NSUN6: variants seen among roughly 807,000 people sequenced by gnomAD.
NSUN6 encodes NOP2/Sun RNA methyltransferase 6.
A neutral mutation model predicts 58.0 loss-of-function variants in NSUN6; 64 were observed. That is an observed-to-expected ratio of 1.10 (90% CI 0.90 to 1.36). NSUN6 has a LOEUF of 1.36. Ranked by LOEUF, NSUN6 falls within the 40% of genes most tolerant of loss-of-function variation. The probability of loss-of-function intolerance (pLI) is 0.00; values close to 1 mark genes in which losing one functional copy is unlikely to be tolerated. For synonymous variants in NSUN6, 231 were observed against 193.9 expected (o/e 1.19, Z -1.59); for missense variants, 701 against 550.1 (o/e 1.27, Z -2.74).
At chr10:18,628,775 C>CT (rs1239900479) in intron 3 of NSUN6, among the ~76,000 whole-genome samples, 16 of 152,084 alleles carry the variant, frequency 1.1e-4, no homozygotes, top group Non-Finnish European at 1.6e-4. Flanking sequence ...AAATCTACGT[C>CT]GATTGGTGTA....
At chr10:18,628,631 G>A (rs1278905341) in intron 3 of NSUN6, among the ~76,000 whole-genome samples, 1 of 152,178 alleles carries the variant, frequency 6.6e-6, no homozygotes, top group Non-Finnish European at 1.5e-5. Flanking sequence ...GAGCCAATGT[G>A]ATCAACTGGA....
chr10:18,622,043 C>A (rs1026792698), intron 3 of NSUN6, among the ~76,000 whole-genome samples: 5 of 146,836 alleles, frequency 3.4e-5, no homozygotes, highest in Admixed American at 2.0e-4. Context: ...GAATGACACA[C>A]ACACACACAC....
At chr10:18,634,429 A>T (rs1426251143) in intron 3 of NSUN6, among the ~76,000 whole-genome samples, 1 of 152,190 alleles carries the variant, frequency 6.6e-6, no homozygotes, top group Non-Finnish European at 1.5e-5. Context: ...CAAGAGAGCC[A>T]CTTTGAAACA....
At chr10:18,625,698 G>C (rs1308775835) in intron 3 of NSUN6, among the ~76,000 whole-genome samples, 7 of 115,172 alleles carry the variant, frequency 6.1e-5, no homozygotes, top group Non-Finnish European at 1.2e-4. Flanking sequence ...GGGTGACAGA[G>C]TGAGACTATG....
chr10:18,612,876 T>C (rs1346076590), intron 5 of NSUN6, among the ~76,000 whole-genome samples: 1 of 152,192 alleles, frequency 6.6e-6, no homozygotes, highest in Non-Finnish European at 1.5e-5. Flanking sequence ...CCTCCGTGAA[T>C]CTATGAATGA....
At chr10:18,579,390 T>C (rs7915735) in intron 8 of NSUN6, among the ~76,000 whole-genome samples, 122 of 152,252 alleles carry the variant, frequency 8.0e-4, no homozygotes, top group African/African-American at 2.8e-3. Flanking sequence ...CAGGATGGTG[T>C]TGATCTCCTG....
At chr10:18,585,839 T>C (rs2057109792) in intron 8 of NSUN6, 110 bp downstream of exon 8, 1 of 796,266 alleles carries the variant, frequency 1.3e-6, no homozygotes, top group Non-Finnish European at 2.0e-6. Context: ...AATTAGCTTG[T>C]TTTAATCATT....
intron 3 of NSUN6, among the ~76,000 whole-genome samples, chr10:18,636,627 C>T (rs1241928437): frequency 1.3e-5 from 2 of 152,128 alleles, no homozygotes; most frequent in East Asian, 3.9e-4. Flanking sequence ...GGCACAGTGG[C>T]TCATGCCTGT....
chr10:18,641,578 C>G (rs2059391919), intron 3 of NSUN6, among the ~76,000 whole-genome samples: 3 of 151,956 alleles, frequency 2.0e-5, no homozygotes, highest in Non-Finnish European at 4.4e-5. Flanking sequence ...CCATGTTGCC[C>G]AGACTGGTCT....
chr10:18,562,298 C>T (rs561195263), intron 8 of NSUN6, among the ~76,000 whole-genome samples: 6 of 139,012 alleles, frequency 4.3e-5, no homozygotes, highest in African/African-American at 1.1e-4. Context: ...TGGAATGCAA[C>T]GGAGAATGGA....
At chr10:18,622,058 A>G (rs2058627146) in intron 3 of NSUN6, among the ~76,000 whole-genome samples, 1 of 152,002 alleles carries the variant, frequency 6.6e-6, no homozygotes, top group Non-Finnish European at 1.5e-5. Flanking sequence ...ACACACACAC[A>G]CAGACACACA....
chr10:18,555,843 A>AG (rs1564709004), intron 8 of NSUN6, among the ~76,000 whole-genome samples: 142 of 148,588 alleles, frequency 9.6e-4, no homozygotes, highest in African/African-American at 2.8e-3. Context: ...GGAATGGAGA[A>AG]AAATGGAATG....
Position 18,618,319 on chromosome 10 carries a change from T to A in NSUN6, c.312-2026A>T, listed in dbSNP as rs769761169. 8.5e-5 allele frequency among the ~76,000 whole-genome samples: 13 copies of A among 152,318 alleles called. No homozygotes were observed. In the South Asian group the frequency reaches 1.5e-3, roughly 17 times the overall value. On this transcript the variant is annotated intron_variant, in intron 3 of 10. Coordinates refer to ENST00000377304, the MANE Select transcript of NSUN6 (RefSeq NM_182543.5). ...ATTTTTCATCAGTGATAGAAATTCA[T>A]GGTCATTACACTTGTGATTATTGTC...
intron 8 of NSUN6, among the ~76,000 whole-genome samples, chr10:18,555,040 A>C (rs1446183929): frequency 6.8e-6 from 1 of 147,562 alleles, no homozygotes; most frequent in Non-Finnish European, 1.5e-5. Context: ...GGAATGGAGA[A>C]TGGAATGGAA....
intron 8 of NSUN6, among the ~76,000 whole-genome samples, chr10:18,552,606 T>G (rs930110661): frequency 1.3e-5 from 2 of 152,030 alleles, no homozygotes; most frequent in African/African-American, 4.8e-5. Context: ...TACCAAGATT[T>G]CCATTCCATT....
chr10:18,571,730 A>G (rs7075304), intron 8 of NSUN6, among the ~76,000 whole-genome samples: 91,715 of 149,740 alleles, frequency 0.61, 28,276 homozygotes, highest in East Asian at 0.97. Flanking sequence ...ATTCCATTCC[A>G]CATTCCATTC....
chr10:18,560,562 T>C (rs531255666), intron 8 of NSUN6, among the ~76,000 whole-genome samples: 4 of 146,240 alleles, frequency 2.7e-5, no homozygotes, highest in Non-Finnish European at 6.0e-5. Context: ...CAGTGGTGAA[T>C]AGAATGGAAT....
chr10:18,553,270 C>T (rs1375875646), intron 8 of NSUN6, among the ~76,000 whole-genome samples: 1 of 151,938 alleles, frequency 6.6e-6, no homozygotes, highest in Non-Finnish European at 1.5e-5. Context: ...ATCCTCCATA[C>T]CATTCCATTC....
At chr10:18,552,137 C>T (rs1450332724) in intron 8 of NSUN6, among the ~76,000 whole-genome samples, 166 bp from the exon 9 acceptor site, 1 of 151,178 alleles carries the variant, frequency 6.6e-6, no homozygotes, top group African/African-American at 2.4e-5. Flanking sequence ...ATACCTAATA[C>T]AGATTTGATG....
Sources: gnomAD v4.1 joint callset for allele counts (sites outside exome capture counted in the v4.1 genomes callset) on GRCh38, gnomAD v4.1.1 for gene constraint, MANE v1.5 for transcripts, NCBI Gene and HGNC (gene_info 2026-07-23, HGNC 2026-07-21) for gene names.